Variants in SHANK2 observed in about 807,000 individuals in gnomAD.
SHANK2 encodes the protein SH3 and multiple ankyrin repeat domains 2.
In SHANK2, 43 loss-of-function variants were observed where a neutral mutation model predicts 133.7. That is an observed-to-expected ratio of 0.32 (90% confidence interval 0.25 to 0.41). The LOEUF is 0.41. SHANK2 is among the 10% of genes least tolerant of loss of function. SHANK2 has a pLI of 1.00. For missense variants in SHANK2, 1,994 were observed against 2,235.8 expected (o/e 0.89, Z 2.18); for synonymous variants, 1,017 against 952.8 (o/e 1.07, Z -1.24).
rs528476649 is a variant in SHANK2 at position 70,777,512 on chromosome 11, TATCCATTCATCCATCCATCC to T, written c.1777+20911_1777+20930del. Reference sequence around the variant, plus strand: ...CCACCCATCCATCCTCCCACCTACCTATCCATTCATCCATCCATCCATCCATCCATCCATCCATCAGAAGT... The same window carrying T: ...CCACCCATCCATCCTCCCACCTACCTATCCATCCATCCATCCATCAGAAGT... On this transcript the variant is annotated intron_variant, in intron 14 of 25. Transcript: ENST00000601538. 5.4e-5 allele frequency among the ~76,000 whole-genome samples: 8 copies of T among 147,084 alleles called. No homozygotes were observed. In the East Asian group the frequency reaches 1.4e-3, roughly 26 times the overall value.
At chr11:70,566,798 T>C (rs1345370898) in intron 17 of SHANK2, among the ~76,000 whole-genome samples, 3 of 152,338 alleles carry the variant, frequency 2.0e-5, no homozygotes, top group African/African-American at 7.2e-5. Flanking sequence ...TCATAACCAC[T>C]TAGCAATCCA....
intron 17 of SHANK2, among the ~76,000 whole-genome samples, chr11:70,522,359 A>C (rs1447737739): frequency 6.6e-5 from 10 of 152,240 alleles, no homozygotes; most frequent in Middle Eastern, 3.2e-3. Context: ...CAAACCTCTA[A>C]AAATTCATTT....
chr11:71,159,951 C>T lies in SHANK2; in HGVS notation c.-12-12613G>A, dbSNP rs373487043. 4.9e-4 allele frequency among the ~76,000 whole-genome samples: 71 copies of T among 144,974 alleles called. No individual in the cohort carries two copies. The Middle Eastern group carries it at 0.018, about 36-fold the overall frequency. On this transcript the variant is annotated intron_variant, in intron 2 of 25. Coordinates refer to ENST00000601538, the MANE Select transcript of SHANK2 (RefSeq NM_012309.5). ...GCAGTGAGCCTAGATCGTGCCACTG[C>T]ACTCCAGCCTGGGTGGCAGGAAAAA...
At chr11:70,820,149 G>A (rs1395007296) in intron 12 of SHANK2, among the ~76,000 whole-genome samples, 1 of 152,188 alleles carries the variant, frequency 6.6e-6, no homozygotes, top group African/African-American at 2.4e-5. Flanking sequence ...CTTTCATCGT[G>A]TGCCTCCATG....
intron 15 of SHANK2, among the ~76,000 whole-genome samples, chr11:70,663,687 C>G (rs541753543): frequency 6.6e-6 from 1 of 152,260 alleles, no homozygotes; most frequent in Admixed American, 6.5e-5. Context: ...CTTGCCCCCT[C>G]CCCAGAGACA....
At chr11:71,064,750 G>A (rs1016221748) in intron 9 of SHANK2, among the ~76,000 whole-genome samples, 18 of 152,216 alleles carry the variant, frequency 1.2e-4, no homozygotes, top group South Asian at 2.1e-4. Flanking sequence ...TGAGAGGGAC[G>A]GTGAGAAACA....
chr11:70,625,205 G>A (rs1591665913), intron 17 of SHANK2, among the ~76,000 whole-genome samples: 1 of 152,216 alleles, frequency 6.6e-6, no homozygotes, highest in Non-Finnish European at 1.5e-5. Flanking sequence ...CCCTGGGAAA[G>A]TGGGGATAAG....
intron 17 of SHANK2, among the ~76,000 whole-genome samples, chr11:70,562,251 G>GAA (rs1205619984): frequency 2.6e-5 from 4 of 152,182 alleles, no homozygotes; most frequent in Non-Finnish European, 4.4e-5. Context: ...AAGTACACTT[G>GAA]AAAACAAAGC....
At chr11:70,746,583 CCAGGGTGGGGGATG>C (rs1946643707) in intron 14 of SHANK2, among the ~76,000 whole-genome samples, 1 of 140,728 alleles carries the variant, frequency 7.1e-6, no homozygotes, top group African/African-American at 2.7e-5. Flanking sequence ...GGGCCTCCCT[CCAGGGTGGGGGATG>C]CAGGGTGCCC....
chr11:70,758,944 A>G (rs564284935), intron 14 of SHANK2, among the ~76,000 whole-genome samples: 5 of 143,816 alleles, frequency 3.5e-5, no homozygotes, highest in East Asian at 2.2e-4. Flanking sequence ...GCGGATCACG[A>G]GGTCAAGAGA....
At chr11:70,891,630 A>G (rs1349176946) in intron 11 of SHANK2, among the ~76,000 whole-genome samples, 2 of 152,174 alleles carry the variant, frequency 1.3e-5, no homozygotes, top group African/African-American at 4.8e-5. Context: ...ACAGCCTCCA[A>G]GGTCTCATAG....
chr11:71,061,688 G>A (rs1002363183), intron 9 of SHANK2, among the ~76,000 whole-genome samples: 3 of 152,148 alleles, frequency 2.0e-5, no homozygotes, highest in Non-Finnish European at 4.4e-5. Flanking sequence ...CAAGTCCCAG[G>A]CACATGGGCC....
rs3020092 is a variant in SHANK2, at chr11:70,906,910, G to T, written c.1108-10343C>A. On this transcript the variant is annotated intron_variant, in intron 10 of 25. Transcript: ENST00000601538. ...TGGAGAGGCAGTTGAGGCCTATGTCGTTCCAGAACAGCTCCCTGGGGCTTT... is the reference window on the plus strand; with the variant it reads ...TGGAGAGGCAGTTGAGGCCTATGTCTTTCCAGAACAGCTCCCTGGGGCTTT... Among the ~76,000 whole-genome samples the T allele has an allele frequency of 4.5e-3, 691 of 152,180 alleles. 4 individuals carry two copies. Among genetic ancestry groups the T allele is most frequent in the African/African-American group, 0.016 (669 of 41,490 alleles).
chr11:70,765,531 G>A (rs1947100509), intron 14 of SHANK2, among the ~76,000 whole-genome samples: 1 of 152,160 alleles, frequency 6.6e-6, no homozygotes, highest in South Asian at 2.1e-4. Flanking sequence ...GACTGAAGCT[G>A]TTATTCCTAA....
At chr11:71,100,649 A>G (rs1023402939) in intron 6 of SHANK2, among the ~76,000 whole-genome samples, 1 of 152,182 alleles carries the variant, frequency 6.6e-6, no homozygotes, top group African/African-American at 2.4e-5. Flanking sequence ...CGGGCAGATC[A>G]TGAGGTCAGG....
chr11:70,629,118 C>T (rs1234250561), intron 17 of SHANK2, among the ~76,000 whole-genome samples: 3 of 152,184 alleles, frequency 2.0e-5, no homozygotes, highest in African/African-American at 7.2e-5. Flanking sequence ...GGGAAACGCG[C>T]CCCGGGCACC....
At chr11:70,537,886 C>T (rs1365244305) in intron 17 of SHANK2, among the ~76,000 whole-genome samples, 1 of 152,160 alleles carries the variant, frequency 6.6e-6, no homozygotes, top group African/African-American at 2.4e-5. Context: ...GGGGGGTCTT[C>T]CAGGAGGCAT....
At chr11:70,689,073 G>C (rs1298220499) in intron 15 of SHANK2, among the ~76,000 whole-genome samples, 23 of 152,224 alleles carry the variant, frequency 1.5e-4, no homozygotes, top group Admixed American at 1.5e-3. Context: ...CGTGAGAGCA[G>C]TTACGTGCAG....
intron 3 of SHANK2, among the ~76,000 whole-genome samples, chr11:71,137,477 C>A (rs367716218): frequency 1.5e-4 from 23 of 152,076 alleles, no homozygotes; most frequent in Admixed American, 6.6e-4. Flanking sequence ...CCCAGCCCCC[C>A]CAAAGGAGGC....
Sources: gnomAD v4.1 joint callset for allele counts (sites outside exome capture counted in the v4.1 genomes callset) on GRCh38, gnomAD v4.1.1 for gene constraint, MANE v1.5 for transcripts, NCBI Gene and HGNC (gene_info 2026-07-23, HGNC 2026-07-21) for gene names.